CSGALNACT1: variants seen among roughly 807,000 people sequenced by gnomAD.
The protein encoded by CSGALNACT1 is chondroitin sulfate N-acetylgalactosaminyltransferase 1, also known as beta4GalNAcT-1.
A neutral mutation model predicts 51.0 loss-of-function variants in CSGALNACT1; 52 were observed. The observed-to-expected ratio is 1.02, with a 90% CI of 0.82 to 1.29. CSGALNACT1 has a LOEUF of 1.29. Among genes scored for constraint, CSGALNACT1 ranks in the 50% most tolerant of loss-of-function variants. The pLI is 0.00. For missense variants in CSGALNACT1, 935 were observed against 679.2 expected (o/e 1.38, Z -4.19); for synonymous variants, 341 against 254.4 (o/e 1.34, Z -3.24).
At chr8:19,560,102 A>G (rs764778547) in intron 3 of CSGALNACT1, among the ~76,000 whole-genome samples, 3 of 152,210 alleles carry the variant, frequency 2.0e-5, no homozygotes, top group Non-Finnish European at 4.4e-5. Context: ...GGTATGTTGC[A>G]TAGGTAGTAA....
At chr8:19,635,276 G>C (rs767725899) in intron 1 of CSGALNACT1, among the ~76,000 whole-genome samples, 3 of 152,192 alleles carry the variant, frequency 2.0e-5, no homozygotes, top group Non-Finnish European at 4.4e-5. Context: ...GTAGGCCCGT[G>C]CAAGGCCAAG....
chr8:19,682,379 C>T (rs573178648), intron 1 of CSGALNACT1: 20 of 322,222 alleles, frequency 6.2e-5, no homozygotes, highest in African/African-American at 4.1e-4. Flanking sequence ...TAGGGCTCTT[C>T]TTAATTAGAA....
chr8:19,679,368 C>A lies in CSGALNACT1; in HGVS notation c.-544+3105G>T, dbSNP rs1020658698. Reference sequence around the variant, plus strand: ...TACTTGGGAGGCTGAGGTGAGAGAACTGGCTTGAGCTCAGGGAGGTCGAGG... The same window carrying A: ...TACTTGGGAGGCTGAGGTGAGAGAAATGGCTTGAGCTCAGGGAGGTCGAGG... On this transcript the variant is annotated intron_variant, in intron 1 of 9. Coordinates refer to the CSGALNACT1 transcript ENST00000332246. 2.0e-5 allele frequency among the ~76,000 whole-genome samples: 3 copies of A among 152,020 alleles called. No homozygotes were observed. The South Asian group carries it at 6.2e-4, about 32-fold the overall frequency.
At chr8:19,564,218 A>G (rs1373480056) in intron 3 of CSGALNACT1, among the ~76,000 whole-genome samples, 4 of 152,176 alleles carry the variant, frequency 2.6e-5, no homozygotes, top group Non-Finnish European at 5.9e-5. Context: ...CAACCCGTTG[A>G]TTTTCAAACA....
intron 1 of CSGALNACT1, among the ~76,000 whole-genome samples, chr8:19,629,601 G>A (rs1589139434): frequency 6.6e-6 from 1 of 152,156 alleles, no homozygotes; most frequent in Admixed American, 6.6e-5. Context: ...GTTAAACTTG[G>A]AGATTTGTGG....
At chr8:19,715,074 G>A (rs554515555) in intron 1 of CSGALNACT1, among the ~76,000 whole-genome samples, 46 of 152,294 alleles carry the variant, frequency 3.0e-4, no homozygotes, top group African/African-American at 1.0e-3. Context: ...CATGGCCGGG[G>A]AAGCCTCAGA....
chr8:19,556,160 C>T (rs1379724263), intron 3 of CSGALNACT1, among the ~76,000 whole-genome samples: 2 of 151,962 alleles, frequency 1.3e-5, no homozygotes, highest in East Asian at 3.9e-4. Context: ...GGCGGATTAC[C>T]TGAGGTCAGG....
intron 4 of CSGALNACT1, among the ~76,000 whole-genome samples, chr8:19,475,114 G>C (rs543945104): frequency 2.5e-4 from 38 of 152,258 alleles, no homozygotes; most frequent in African/African-American, 7.5e-4. Flanking sequence ...AAGTTAAGAA[G>C]GAGGAGCTGT....
chr8:19,700,917 T>C (rs2154220030), intron 1 of CSGALNACT1, among the ~76,000 whole-genome samples: 1 of 152,158 alleles, frequency 6.6e-6, no homozygotes. Context: ...TTTGGAGAAA[T>C]TACCTTTCCC....
intron 1 of CSGALNACT1, among the ~76,000 whole-genome samples, chr8:19,659,966 G>T (rs1320156078): frequency 6.6e-6 from 1 of 152,198 alleles, no homozygotes; most frequent in Admixed American, 6.5e-5. Flanking sequence ...GACTCTAGCC[G>T]CTTTCTTTGT....
chr8:19,477,644 G>A (rs1377666925), intron 4 of CSGALNACT1, among the ~76,000 whole-genome samples: 1 of 152,128 alleles, frequency 6.6e-6, no homozygotes, highest in South Asian at 2.1e-4. Flanking sequence ...TAAAAGGAAG[G>A]GCAGGCTCTA....
chr8:19,408,355 C>T (rs149810142), intron 9 of CSGALNACT1, among the ~76,000 whole-genome samples: 2 of 150,636 alleles, frequency 1.3e-5, no homozygotes, highest in South Asian at 2.1e-4. Context: ...TTAGGAGAAT[C>T]GCTATGTTGT....
intron 4 of CSGALNACT1, among the ~76,000 whole-genome samples, chr8:19,461,406 C>T (rs2065319192): frequency 6.6e-6 from 1 of 152,080 alleles, no homozygotes; most frequent in Non-Finnish European, 1.5e-5. Flanking sequence ...CCACATTCAC[C>T]ATGGAGGGTG....
At chr8:19,437,834 T>C (rs1280016733) in intron 6 of CSGALNACT1, among the ~76,000 whole-genome samples, 1 of 152,188 alleles carries the variant, frequency 6.6e-6, no homozygotes, top group East Asian at 1.9e-4. Context: ...TTGCCAAAGT[T>C]TGAGGCAAAC....
chr8:19,464,447 G>A (rs546098547), intron 4 of CSGALNACT1, among the ~76,000 whole-genome samples: 30 of 152,236 alleles, frequency 2.0e-4, no homozygotes, highest in Non-Finnish European at 3.2e-4. Context: ...CCCACCTACT[G>A]TACTAGTTTC....
chr8:19,441,922 A>G (rs1414237565), intron 5 of CSGALNACT1, among the ~76,000 whole-genome samples: 4 of 152,228 alleles, frequency 2.6e-5, no homozygotes, highest in Non-Finnish European at 5.9e-5. Flanking sequence ...ATGAACAGAC[A>G]CTTCTCAAAA....
Position 19,551,588 on chromosome 8 carries a change from T to C in CSGALNACT1, c.-297+39572A>G, listed in dbSNP as rs968268422. ...CGGCTTCCTATTGCGTGCAAGCAAA[T>C]AGATCCAGTCTGGTTTGCTTACAGT... On this transcript the variant is annotated intron_variant, in intron 3 of 9. Coordinates refer to ENST00000454498, the Ensembl canonical transcript of CSGALNACT1. Among the ~76,000 whole-genome samples the C allele has an allele frequency of 2.0e-5, 3 of 152,328 alleles. No homozygotes were observed. In the East Asian group the frequency reaches 5.8e-4, roughly 29 times the overall value.
At chr8:19,753,222 G>A (rs1372296660) in intron 1 of CSGALNACT1, among the ~76,000 whole-genome samples, 2 of 152,130 alleles carry the variant, frequency 1.3e-5, no homozygotes, top group Non-Finnish European at 2.9e-5. Flanking sequence ...CATGTGCGCA[G>A]AATCCTAAAA....
upstream of CSGALNACT1, among the ~76,000 whole-genome samples, chr8:19,685,666 C>T (rs570420041): frequency 1.3e-5 from 2 of 152,240 alleles, no homozygotes; most frequent in East Asian, 3.9e-4. Context: ...GCTGAAGGTG[C>T]CCCTGATGGA....
Sources: gnomAD v4.1 joint callset for allele counts (sites outside exome capture counted in the v4.1 genomes callset) on GRCh38, gnomAD v4.1.1 for gene constraint, MANE v1.5 for transcripts, NCBI Gene and HGNC (gene_info 2026-07-23, HGNC 2026-07-21) for gene names.